The following CYSLTR1 variants were observed in gnomAD, a reference collection of about 807,000 sequenced individuals.
CYSLTR1 encodes cysteinyl leukotriene receptor 1.
In CYSLTR1, 1 loss-of-function variant was observed where a neutral mutation model predicts 2.1. The observed-to-expected ratio is 0.48, with a 90% CI of 0.17 to 2.28. CYSLTR1 has a LOEUF of 2.28. Ranked by LOEUF, CYSLTR1 falls within the 30% of genes most tolerant of loss-of-function variation. The pLI is 0.26. For synonymous variants in CYSLTR1, 110 were observed against 89.6 expected, an observed-to-expected ratio of 1.23 and a Z score of -1.28; for missense variants, 299 against 250.1, an observed-to-expected ratio of 1.20 and a Z score of -1.32.
chrX:78,292,698 A>T (rs767427357), intron 1 of CYSLTR1, among the ~76,000 whole-genome samples: 40 of 111,401 alleles, frequency 3.6e-4, no homozygotes, highest in Non-Finnish European at 5.3e-4. Flanking sequence ...CTTCTTGTTG[A>T]ATTGATCCCT....
At chrX:78,311,038 T>C (rs988762840) in intron 1 of CYSLTR1, among the ~76,000 whole-genome samples, 4 of 110,785 alleles carry the variant, frequency 3.6e-5, no homozygotes, top group African/African-American at 1.3e-4. Flanking sequence ...TGAAAGCTAC[T>C]ACAGCATGCA....
intron 2 of CYSLTR1, among the ~76,000 whole-genome samples, chrX:78,274,356 C>T (rs911063553): frequency 9.0e-6 from 1 of 110,716 alleles, no homozygotes; most frequent in Admixed American, 9.7e-5. Context: ...GGTACTGGTA[C>T]CAAAACACTG....
chrX:78,300,905 A>T (rs1922793497), intron 1 of CYSLTR1, among the ~76,000 whole-genome samples: 1 of 112,467 alleles, frequency 8.9e-6, no homozygotes, highest in South Asian at 3.7e-4. Flanking sequence ...ATTTCCATAC[A>T]TCCTCTGAAA....
In CYSLTR1 at chrX:78,271,718, C is replaced by T. The variant is rs888974392; in HGVS notation, c.*1015G>A. The T allele has an allele frequency of 4.5e-5, 5 of 111,993 alleles. No individual in the cohort carries two copies. Among genetic ancestry groups the T allele is most frequent in the African/African-American group, 1.6e-4 (5 of 30,928 alleles). 9.2% of individuals were successfully genotyped at this position (111,993 alleles called of 1,213,427 possible). On this transcript the variant is annotated 3_prime_UTR_variant, in exon 3 of 3. Transcript: ENST00000373304. ...AATAATAAAACTTATCGTGAACTTT[C>T]ACCCATAATGCATATCATACAGCAA... is the stretch of plus-strand genomic sequence containing the variant.
At chrX:78,303,662 C>A (rs189868978) in intron 1 of CYSLTR1, among the ~76,000 whole-genome samples, 11 of 111,535 alleles carry the variant, frequency 9.9e-5, no homozygotes, top group Admixed American at 2.9e-4. Context: ...TGAGTTAATC[C>A]ATTTTCTGTA....
At chrX:78,281,265 T>C (rs1921830379) in intron 2 of CYSLTR1, among the ~76,000 whole-genome samples, 2 of 106,468 alleles carry the variant, frequency 1.9e-5, no homozygotes, top group African/African-American at 6.8e-5. Context: ...TTTATTATGT[T>C]TTAATTTTTT....
intron 1 of CYSLTR1, among the ~76,000 whole-genome samples, chrX:78,292,521 CTTG>C (rs1922387030): frequency 9.0e-6 from 1 of 111,570 alleles, no homozygotes; most frequent in South Asian, 3.7e-4. Flanking sequence ...CCTGGATATC[CTTG>C]TTAACATTCT....
intron 1 of CYSLTR1, among the ~76,000 whole-genome samples, chrX:78,304,195 AGTT>A (rs1182999140): frequency 8.9e-6 from 1 of 112,183 alleles, no homozygotes; most frequent in African/African-American, 3.2e-5. Flanking sequence ...TATGATTTAA[AGTT>A]GTCTCACTTG....
At chrX:78,305,465 G>GT (rs1922996095) in intron 1 of CYSLTR1, among the ~76,000 whole-genome samples, 1 of 111,217 alleles carries the variant, frequency 9.0e-6, no homozygotes, top group Admixed American at 9.6e-5. Flanking sequence ...GATTAGGGTT[G>GT]TTGGAGACAT....
chrX:78,319,990 T>A (rs1474784708), intron 1 of CYSLTR1: 1 of 112,071 alleles, frequency 8.9e-6, no homozygotes, highest in African/African-American at 3.2e-5. Flanking sequence ...TTTGAGTTCA[T>A]TGTAGATTCT....
intron 1 of CYSLTR1, chrX:78,320,321 T>C (rs2147276878): frequency 8.9e-6 from 1 of 112,172 alleles, no homozygotes; most frequent in South Asian, 3.7e-4. Context: ...TTCAGCTTTC[T>C]GCATATGGCT....
intron 1 of CYSLTR1, among the ~76,000 whole-genome samples, chrX:78,306,201 T>G (rs902473472): frequency 9.0e-6 from 1 of 111,332 alleles, no homozygotes; most frequent in African/African-American, 3.3e-5. Context: ...TTTCGCTCTG[T>G]CACACAGGCT....
chrX:78,325,872 G>T (rs1923845152), intron 1 of CYSLTR1, among the ~76,000 whole-genome samples: 1 of 112,001 alleles, frequency 8.9e-6, no homozygotes, highest in Non-Finnish European at 1.9e-5. Flanking sequence ...TACTGTGGAA[G>T]AGTCTTGCTT....
At chrX:78,316,959 A>G (rs1255675346) in intron 1 of CYSLTR1, among the ~76,000 whole-genome samples, 1 of 112,168 alleles carries the variant, frequency 8.9e-6, no homozygotes, top group Non-Finnish European at 1.9e-5. Flanking sequence ...AAAAGCAAAT[A>G]CAACAAAAAC....
intron 1 of CYSLTR1, among the ~76,000 whole-genome samples, chrX:78,302,880 T>C (rs1343011800): frequency 1.8e-5 from 2 of 110,387 alleles, no homozygotes; most frequent in East Asian, 5.7e-4. Context: ...TAGCCAGGGG[T>C]TAGGGGAGGA....
intron 1 of CYSLTR1, among the ~76,000 whole-genome samples, chrX:78,302,012 A>G (rs757563327): frequency 8.9e-6 from 1 of 111,953 alleles, no homozygotes; most frequent in Non-Finnish European, 1.9e-5. Flanking sequence ...CTTATTTACT[A>G]TCACAAGAAC....
intron 1 of CYSLTR1, among the ~76,000 whole-genome samples, chrX:78,314,523 T>C (rs911658744): frequency 1.8e-5 from 2 of 111,103 alleles, no homozygotes; most frequent in African/African-American, 6.6e-5. Flanking sequence ...ACTAAAAAGG[T>C]AGAAAAAACA....
chrX:78,305,293 T>C (rs1356961319), intron 1 of CYSLTR1, among the ~76,000 whole-genome samples: 2 of 111,939 alleles, frequency 1.8e-5, no homozygotes, highest in Admixed American at 9.5e-5. Context: ...GTAAAACAAT[T>C]GCTCTTTTTT....
chrX:78,302,485 G>A (rs7890498), intron 1 of CYSLTR1, among the ~76,000 whole-genome samples: 6,812 of 111,413 alleles, frequency 0.061, 517 homozygotes, highest in African/African-American at 0.21. Flanking sequence ...TCAAGCAGAT[G>A]GAGTCTTGCC....
Sources: gnomAD v4.1 joint callset for allele counts (sites outside exome capture counted in the v4.1 genomes callset) on GRCh38, gnomAD v4.1.1 for gene constraint, MANE v1.5 for transcripts, NCBI Gene and HGNC (gene_info 2026-07-23, HGNC 2026-07-21) for gene names.